Variants in GFI1B observed in about 807,000 individuals in gnomAD.
GFI1B encodes the protein growth factor independent 1B transcriptional repressor, also known as zinc finger protein Gfi-1b.
Under a neutral mutation model 35.3 loss-of-function variants are expected in GFI1B, and 20 were observed. That is an observed-to-expected ratio of 0.57 (90% CI 0.40 to 0.82). GFI1B has a LOEUF of 0.82. GFI1B is among the 40% of genes least tolerant of loss of function. The probability of loss-of-function intolerance (pLI) is 0.00; values close to 1 mark genes in which losing one functional copy is unlikely to be tolerated. For missense variants in GFI1B, 430 were observed against 446.3 expected, an observed-to-expected ratio of 0.96 and a Z score of 0.33; for synonymous variants, 178 against 177.6, an observed-to-expected ratio of 1.00 and a Z score of -0.02.
chr9:132,986,217 T>C (rs1849053646), intron 1 of GFI1B, among the ~76,000 whole-genome samples: 1 of 152,180 alleles, frequency 6.6e-6, no homozygotes, highest in Non-Finnish European at 1.5e-5. Flanking sequence ...GAGGGTTTCA[T>C]GCCCCTCTCT....
At chr9:132,972,950 C>G (rs1397898742) in intron 2 of GFI1B, among the ~76,000 whole-genome samples, 1 of 152,218 alleles carries the variant, frequency 6.6e-6, no homozygotes, top group Admixed American at 6.5e-5. Context: ...CGCCGATGAC[C>G]AGGTGGACGT....
rs537436675 is a variant in GFI1B at position 132,972,573 on chromosome 9, G to C, written c.-700-152G>C. ...CCACTGCACTCCAGCCTGGGCGACA[G>C]AGTGAGACTCTGTCTCAGTGAAAAA... On this transcript the variant is annotated intron_variant, in intron 1 of 10. Transcript: ENST00000339463. Among the ~76,000 whole-genome samples, 10 of 152,326 alleles carry C rather than the reference G, an allele frequency of 6.6e-5. No individual in the cohort carries two copies. The East Asian group carries it at 1.2e-3, about 18-fold the overall frequency.
chr9:132,991,843 A>G (rs2118914330), downstream of GFI1B, among the ~76,000 whole-genome samples: 1 of 152,160 alleles, frequency 6.6e-6, no homozygotes, highest in Non-Finnish European at 1.5e-5. Flanking sequence ...CCCCACGTGC[A>G]CAGACCCGCT....
chr9:132,957,861 A>T (rs1382042993), intron 1 of GFI1B, among the ~76,000 whole-genome samples: 2 of 152,192 alleles, frequency 1.3e-5, no homozygotes, highest in Admixed American at 6.5e-5. Context: ...AGAAATACTA[A>T]TGTCAGCCAA....
At chr9:132,977,072 C>G, upstream of GFI1B, among the ~76,000 whole-genome samples, 1 of 152,178 alleles carries the variant, frequency 6.6e-6, no homozygotes, top group Non-Finnish European at 1.5e-5. Context: ...ATTATCCTGC[C>G]TCAGCCTCCT....
chr9:132,951,012 A>T (rs1848193604), intron 1 of GFI1B, among the ~76,000 whole-genome samples: 1 of 151,304 alleles, frequency 6.6e-6, no homozygotes, highest in African/African-American at 2.4e-5. Flanking sequence ...TAATTATTTT[A>T]TTTTATTTTA....
At chr9:132,957,026 T>A (rs191751430) in intron 1 of GFI1B, among the ~76,000 whole-genome samples, 7 of 152,210 alleles carry the variant, frequency 4.6e-5, no homozygotes, top group Non-Finnish European at 1.0e-4. Flanking sequence ...GAAGACAGGG[T>A]CTGTCATAAC....
At chr9:132,976,810 G>T (rs540067060), upstream of GFI1B, among the ~76,000 whole-genome samples, 1 of 152,190 alleles carries the variant, frequency 6.6e-6, no homozygotes, top group South Asian at 2.1e-4. Context: ...CAGGCATGGT[G>T]GTGCGCCTGT....
At chr9:132,968,400 G>A (rs1848483492) in intron 1 of GFI1B, among the ~76,000 whole-genome samples, 1 of 152,094 alleles carries the variant, frequency 6.6e-6, no homozygotes, top group African/African-American at 2.4e-5. Context: ...GGGATTACAG[G>A]TGTGAGCCAC....
upstream of GFI1B, chr9:132,976,690 A>G (rs1420749797): frequency 6.6e-6 from 1 of 152,210 alleles, no homozygotes; most frequent in Non-Finnish European, 1.5e-5. Flanking sequence ...CATTCTCTGA[A>G]TTTTAGAGGA....
At chr9:132,948,972 G>A (rs1433889756) in intron 1 of GFI1B, among the ~76,000 whole-genome samples, 1 of 152,174 alleles carries the variant, frequency 6.6e-6, no homozygotes, top group African/African-American at 2.4e-5. Flanking sequence ...TTCCCACCTG[G>A]CCTGGCCTGG....
In GFI1B at chr9:132,988,382, C is replaced by T; in HGVS notation, c.424C>T (p.Leu142Phe). The change falls in exon 4 of 7, where the codon CTT (leucine) becomes TTT (phenylalanine). Residue 142 changes from leucine to phenylalanine, a missense_variant. Leu to Phe is a conservative substitution (Grantham distance 22). Transcript: ENST00000372122. ...CTCCGTCAGCCTGTACGGCAGTCCT[C>T]TTGTGCCCAGCACTGAGCCCGCCTT... ...EHSVSLYGSP[L>F]VPSTEPALDF... 3 of 1,614,126 alleles carry T rather than the reference C, an allele frequency of 1.9e-6. No individual in the cohort carries two copies. Among genetic ancestry groups the T allele is most frequent in the Non-Finnish European group, 2.5e-6 (3 of 1,179,962 alleles).
chr9:132,950,434 C>T (rs1014560355), intron 1 of GFI1B, among the ~76,000 whole-genome samples: 5 of 151,896 alleles, frequency 3.3e-5, no homozygotes, highest in South Asian at 2.1e-4. Flanking sequence ...CCCAAGTTCT[C>T]AAGAACTCTG....
chr9:132,955,979 G>A (rs984842448), intron 1 of GFI1B, among the ~76,000 whole-genome samples: 1 of 152,182 alleles, frequency 6.6e-6, no homozygotes, highest in African/African-American at 2.4e-5. Flanking sequence ...TTGCTTGTGG[G>A]AGGTCAGTCT....
At chr9:132,957,584 T>C (rs1042520642) in intron 1 of GFI1B, among the ~76,000 whole-genome samples, 1 of 151,964 alleles carries the variant, frequency 6.6e-6, no homozygotes, top group African/African-American at 2.4e-5. Flanking sequence ...GGATGGGAGA[T>C]AGAGAAATGC....
At position 132,988,360 on chromosome 9, in the gene GFI1B, C is replaced by G. The variant is rs377198808; in HGVS notation, c.402C>G (p.Ser134=). 3.1e-6 allele frequency: 5 copies of G among 1,614,116 alleles called. No homozygotes were observed. The South Asian group carries it at 5.5e-5, about 18-fold the overall frequency. The change falls in exon 4 of 7, where the codon TCC becomes TCG. Residue 134 remains serine, a synonymous_variant. Coordinates refer to ENST00000372122, the MANE Select transcript of GFI1B (RefSeq NM_001377304.1). The stretch of plus-strand genomic sequence containing the variant: ...TGCAGTCAGCCTTCCTGGAGCACTC[C>G]GTCAGCCTGTACGGCAGTCCTCTTG... ...STMQSAFLEH[S]VSLYGSPLVP... is the part of the protein sequence containing the mutation.
At chr9:132,945,612 G>A (rs1848060966) in exon 1 of GFI1B, 1 of 154,238 alleles carries the variant, frequency 6.5e-6, no homozygotes, top group East Asian at 1.9e-4. Context: ...AGAGGAGGCA[G>A]AGTGAGATGA....
At chr9:132,953,303 C>T (rs1305283600) in intron 1 of GFI1B, 1 of 152,184 alleles carries the variant, frequency 6.6e-6, no homozygotes, top group African/African-American at 2.4e-5. Context: ...TAACTTATCA[C>T]CATCTATATT....
In GFI1B at chr9:132,988,200, G is replaced by T. The variant is rs115534814; in HGVS notation, c.242G>T (p.Gly81Val). 1,212 of 1,613,812 alleles carry T rather than the reference G, an allele frequency of 7.5e-4. 8 individuals carry two copies. In the African/African-American group the frequency reaches 0.012, roughly 16 times the overall value. ...NLARMAPAPE[G>V]PIVLSRPQDG... Reference sequence around the variant, plus strand: ...GCCTGTGTCGTTATCTCCACAGAGGGCCCCATTGTGCTGTCCCGACCCCAG... The same window carrying T: ...GCCTGTGTCGTTATCTCCACAGAGGTCCCCATTGTGCTGTCCCGACCCCAG... Residue 81 changes from glycine to valine, a missense_variant, in exon 4 of 7, where the codon GGC becomes GTC. Gly to Val is a moderately radical substitution (Grantham distance 109). Transcript: ENST00000372122.
Sources: allele counts gnomAD v4.1 joint callset (sites outside exome capture counted in the v4.1 genomes callset), GRCh38; gene constraint gnomAD v4.1.1; transcripts MANE v1.5; gene names NCBI Gene and HGNC (gene_info 2026-07-23, HGNC 2026-07-21).